The following SEC22C variants were observed in gnomAD, a reference collection of about 807,000 sequenced individuals.
SEC22C encodes the protein vesicle-trafficking protein SEC22c.
SEC22C carries 29 observed loss-of-function variants against 34.7 expected under a neutral mutation model. The ratio of observed to expected loss-of-function variants is 0.84; its 90% confidence interval spans 0.62 to 1.14. SEC22C has a LOEUF of 1.14. SEC22C is among the 50% of genes most tolerant of loss of function. The probability of loss-of-function intolerance (pLI) is 0.00; values close to 1 mark genes in which losing one functional copy is unlikely to be tolerated. For synonymous variants in SEC22C, 117 were observed against 132.8 expected, an observed-to-expected ratio of 0.88 and a Z score of 0.82; for missense variants, 337 against 369.0, an observed-to-expected ratio of 0.91 and a Z score of 0.71.
At chr3:42,579,607 C>CAA (rs1279147159) in intron 1 of SEC22C, 3 of 85,814 alleles carry the variant, frequency 3.5e-5, no homozygotes, top group East Asian at 3.1e-4. Context: ...TCTCAAAAAA[C>CAA]AAAAAAAAAA....
chr3:42,578,274 G>A (rs940860882), intron 1 of SEC22C, among the ~76,000 whole-genome samples: 2 of 152,174 alleles, frequency 1.3e-5, no homozygotes, highest in Non-Finnish European at 2.9e-5. Context: ...CAACTTGAAT[G>A]GATCTCAAGT....
intron 1 of SEC22C, among the ~76,000 whole-genome samples, chr3:42,573,021 CTT>C (rs56862964): frequency 6.6e-6 from 1 of 151,340 alleles, no homozygotes; most frequent in South Asian, 2.1e-4. Flanking sequence ...CACACCACTA[CTT>C]TTTTTTTCTG....
rs557608854 is a variant in SEC22C, at chr3:42,591,072, G to A, written c.-28+9888C>T. On this transcript the variant is annotated intron_variant, in intron 1 of 6. Coordinates refer to the SEC22C transcript ENST00000417572. ...AGTGAGCGGCCTCCCAGCTGACTGT[G>A]AAGGGTGCTGAGCAGCCGGGGTGCG... 12 of 1,284,816 alleles carry A rather than the reference G, an allele frequency of 9.3e-6. No individual in the cohort carries two copies. In the South Asian group the frequency reaches 1.0e-4, roughly 11 times the overall value. 79.6% of individuals were successfully genotyped at this position (1,284,816 alleles called of 1,614,324 possible).
intron 1 of SEC22C, among the ~76,000 whole-genome samples, chr3:42,581,068 CT>C (rs2125730058): frequency 6.6e-6 from 1 of 152,352 alleles, no homozygotes; most frequent in African/African-American, 2.4e-5. Context: ...CCAAAATGTA[CT>C]TTCCAGAGGA....
intron 1 of SEC22C, chr3:42,600,803 C>G: frequency 2.6e-6 from 1 of 391,892 alleles, no homozygotes; most frequent in Non-Finnish European, 4.6e-6. Flanking sequence ...CGCATGCGTG[C>G]GCGCTGCGTG....
chr3:42,557,920 G>C (rs1044891636), intron 4 of SEC22C, among the ~76,000 whole-genome samples: 1 of 152,188 alleles, frequency 6.6e-6, no homozygotes, highest in Non-Finnish European at 1.5e-5. Context: ...TCCAGAAAAA[G>C]GCTCTTTTCC....
intron 1 of SEC22C, among the ~76,000 whole-genome samples, chr3:42,589,422 G>T (rs1332886003): frequency 6.6e-6 from 1 of 152,158 alleles, no homozygotes; most frequent in Non-Finnish European, 1.5e-5. Context: ...CCCCTTTTTA[G>T]GAGTGTAGGT....
intron 1 of SEC22C, chr3:42,590,700 G>A (rs1704790593): frequency 6.2e-6 from 4 of 640,148 alleles, no homozygotes; most frequent in Admixed American, 2.7e-5. Context: ...AAGCGCAAAG[G>A]ATACGAAAAC....
At position 42,550,932 on chromosome 3, in the gene SEC22C, G is replaced by A. The variant is rs192831393; in HGVS notation, c.*2316C>T. 1,723 of 865,044 alleles carry A rather than the reference G, an allele frequency of 2.0e-3. 27 individuals are homozygous for A. The African/African-American group carries it at 0.03, about 15-fold the overall frequency. 53.6% of individuals were successfully genotyped at this position (865,044 alleles called of 1,614,324 possible). ...TCACCAGGCTGGAGTGCAGTGGCTC[G>A]ATCTCGGCTCACTGCAACCTCCACC... On this transcript the variant is annotated 3_prime_UTR_variant, in exon 7 of 7. Coordinates refer to ENST00000264454, the MANE Select transcript of SEC22C (RefSeq NM_032970.4).
exon 1 of SEC22C, chr3:42,601,015 G>T (rs1415198700): frequency 1.3e-6 from 2 of 1,575,030 alleles, no homozygotes; most frequent in Non-Finnish European, 1.7e-6. Context: ...CGATGGGGGC[G>T]CAGGACCGGC....
rs1324397550 is a variant in SEC22C, at chr3:42,561,059, G to A, written c.526+58C>T. ...CTTTCTAGTGAAAAAAAAAATCAAC[G>A]TCCATTTGAAATACACAATATCACT... On this transcript the variant is annotated intron_variant, in intron 4 of 6. Coordinates refer to ENST00000264454, the MANE Select transcript of SEC22C (RefSeq NM_032970.4). 60 of 1,510,980 alleles carry A rather than the reference G, an allele frequency of 4.0e-5. No individual in the cohort carries two copies. The South Asian group carries it at 5.1e-4, about 13-fold the overall frequency. The allele number at this position is 1,510,980 out of a possible 1,614,324, so 93.6% of individuals were successfully genotyped here. A position where few individuals can be genotyped will look rare whatever the true frequency, so the allele number is the denominator to read the frequency against.
chr3:42,553,176 G>A lies in SEC22C; in HGVS notation c.*72C>T. ...AGGATGGAAACTGGAGTGTAAAGTA[G>A]AGAAGCAGAAAGAGAAACATAGATT... On this transcript the variant is annotated 3_prime_UTR_variant, in exon 7 of 7. Transcript: ENST00000264454. The A allele has an allele frequency of 6.3e-7, 1 of 1,578,490 alleles. No homozygotes were observed. The highest frequency in any genetic ancestry group is 8.6e-7 in the Non-Finnish European group (1 of 1,166,812).
At position 42,550,344 on chromosome 3, in the gene SEC22C, A is replaced by C; in HGVS notation, c.*2904T>G. The stretch of plus-strand genomic sequence containing the variant: ...AAAGTGCTACAACAACAGTGAGTCC[A>C]TGGTGGAGTGAGGATAACTCCTGGG... On this transcript the variant is annotated 3_prime_UTR_variant, in exon 7 of 7. Transcript: ENST00000264454. 1 of 985,480 alleles carries C rather than the reference A, an allele frequency of 1.0e-6. No individual in the cohort carries two copies. The highest frequency in any genetic ancestry group is 1.2e-6 in the Non-Finnish European group (1 of 829,948). The allele number at this position is 985,480 out of a possible 1,614,324, so 61.0% of individuals were successfully genotyped here.
At chr3:42,576,790 C>T (rs1486552557) in intron 1 of SEC22C, among the ~76,000 whole-genome samples, 2 of 149,622 alleles carry the variant, frequency 1.3e-5, no homozygotes, top group African/African-American at 2.4e-5. Context: ...TTCTAAAATG[C>T]GTATGAAAAG....
chr3:42,600,933 C>T, intron 1 of SEC22C: 2 of 1,183,606 alleles, frequency 1.7e-6, no homozygotes, highest in African/African-American at 1.6e-5. Flanking sequence ...CCCCTGCCCT[C>T]GCCCCCGCCC....
intron 4 of SEC22C, 21 bp from the exon 5 acceptor site, chr3:42,557,717 A>C (rs1373757882): frequency 7.9e-7 from 1 of 1,261,914 alleles, no homozygotes; most frequent in African/African-American, 1.5e-5. Flanking sequence ...GAAAAAAAAC[A>C]AGTGTCTAGT....
intron 1 of SEC22C, among the ~76,000 whole-genome samples, chr3:42,571,558 T>C (rs553537831): frequency 6.6e-6 from 1 of 152,292 alleles, no homozygotes; most frequent in South Asian, 2.1e-4. Flanking sequence ...ACAACATCCT[T>C]GACATTATTT....
intron 1 of SEC22C, among the ~76,000 whole-genome samples, chr3:42,593,709 G>A (rs1704937974): frequency 6.6e-6 from 1 of 152,132 alleles, no homozygotes; most frequent in South Asian, 2.1e-4. Flanking sequence ...GTATAATTAG[G>A]CACATAATAA....
At chr3:42,554,039 G>A (rs535536268) in intron 6 of SEC22C, among the ~76,000 whole-genome samples, 5 of 152,120 alleles carry the variant, frequency 3.3e-5, no homozygotes, top group Non-Finnish European at 5.9e-5. Context: ...ACACATAAAA[G>A]GGGCCATTCT....
Sources: allele counts gnomAD v4.1 joint callset (sites outside exome capture counted in the v4.1 genomes callset), GRCh38; gene constraint gnomAD v4.1.1; transcripts MANE v1.5; gene names NCBI Gene and HGNC (gene_info 2026-07-23, HGNC 2026-07-21).